The following LOC101059915 variants were observed in gnomAD, a reference collection of about 807,000 sequenced individuals.
At chrX:71,667,779 CTGG>C in the LOC101059915 span, 1 of 1,039,787 alleles carries the variant, frequency 9.6e-7, no homozygotes, top group Non-Finnish European at 1.2e-6. Flanking sequence ...TCCCCACAGC[CTGG>C]CTGTCTAGAC....
the LOC101059915 span, chrX:71,669,846 A>G: frequency 6.2e-6 from 4 of 647,142 alleles, no homozygotes; most frequent in Admixed American, 1.0e-4. Context: ...CCCACAGGAA[A>G]TGGGGTGTCG....
At chrX:71,671,166 T>G in the LOC101059915 span, 1 of 1,164,283 alleles carries the variant, frequency 8.6e-7, no homozygotes, top group Non-Finnish European at 1.1e-6. Flanking sequence ...GGTTTCTGTT[T>G]CCCTGGGTCT....
At chrX:71,668,743 C>T in the LOC101059915 span, 3 of 1,070,661 alleles carry the variant, frequency 2.8e-6, no homozygotes, top group Non-Finnish European at 2.4e-6. Context: ...AGGGCCCCTA[C>T]CCCGGGGCAC....
the LOC101059915 span, chrX:71,670,182 G>A: frequency 8.9e-7 from 1 of 1,124,051 alleles, no homozygotes; most frequent in Non-Finnish European, 1.2e-6. Context: ...GGGTGATGGT[G>A]CCTCACTTTA....
the LOC101059915 span, chrX:71,669,496 C>T: frequency 8.8e-5 from 80 of 909,431 alleles, no homozygotes; most frequent in Admixed American, 8.2e-4. Flanking sequence ...TAACACAACC[C>T]CTCCCCATGT....
chrX:71,668,118 G>T, the LOC101059915 span: 7 of 1,136,493 alleles, frequency 6.2e-6, no homozygotes, highest in African/African-American at 1.3e-4. Context: ...CTTTCTACCT[G>T]GCTGATGAGC....
At chrX:71,670,757 C>G in the LOC101059915 span, 3 of 1,080,777 alleles carry the variant, frequency 2.8e-6, no homozygotes, top group South Asian at 5.1e-5. Flanking sequence ...GTCACTGGGA[C>G]TGACTTCCTC....
At chrX:71,667,819 G>A in the LOC101059915 span, 9 of 1,070,997 alleles carry the variant, frequency 8.4e-6, no homozygotes, top group Non-Finnish European at 9.6e-6. Flanking sequence ...CTCCACGGAT[G>A]AAGTGTCCGT....
At chrX:71,669,422 C>A in the LOC101059915 span, 1 of 528,205 alleles carries the variant, frequency 1.9e-6, no homozygotes, top group Admixed American at 5.6e-5. Flanking sequence ...GTTAAGCAAG[C>A]CCTCCTGTCT....
the LOC101059915 span, chrX:71,668,177 A>C: frequency 1.8e-6 from 2 of 1,128,107 alleles, no homozygotes; most frequent in South Asian, 4.4e-5. Context: ...CCGTCCCCAG[A>C]AGGCGCCACT....
the LOC101059915 span, chrX:71,667,721 C>A: frequency 1.1e-6 from 1 of 940,368 alleles, no homozygotes; most frequent in Non-Finnish European, 1.3e-6. Context: ...CTCGGCTGGG[C>A]TTGGCTGGGC....
chrX:71,668,568 C>T, the LOC101059915 span: 1 of 1,116,808 alleles, frequency 9.0e-7, no homozygotes, highest in South Asian at 2.3e-5. Flanking sequence ...GGGAGAGTTA[C>T]CTTCAGGTTC....
chrX:71,669,235 C>T, the LOC101059915 span, among the ~76,000 whole-genome samples: 4 of 111,774 alleles, frequency 3.6e-5, no homozygotes, highest in Non-Finnish European at 5.7e-5. Context: ...CTTAGGAGCA[C>T]ACATTAAAGG....
At chrX:71,669,070 TCTC>T in the LOC101059915 span, 3,870 of 1,130,733 alleles carry the variant, frequency 3.4e-3, 28 homozygotes, top group South Asian at 0.027. Context: ...CACTCCTCCT[TCTC>T]CTCCTTGCTC....
the LOC101059915 span, among the ~76,000 whole-genome samples, chrX:71,669,209 C>T: frequency 1.3e-4 from 15 of 111,895 alleles, no homozygotes; most frequent in East Asian, 3.9e-3. Context: ...CTAGGATGCC[C>T]GATTGGGGTC....
chrX:71,671,486 A>G, the LOC101059915 span: 1 of 354,049 alleles, frequency 2.8e-6, no homozygotes, highest in East Asian at 4.8e-5. Flanking sequence ...CCCCTTCCCA[A>G]CACAGTTCAA....
At chrX:71,668,227 G>T in the LOC101059915 span, 2 of 1,116,656 alleles carry the variant, frequency 1.8e-6, no homozygotes, top group Non-Finnish European at 2.3e-6. Flanking sequence ...CCTGGAGGTC[G>T]GTCCCAGTTG....
the LOC101059915 span, chrX:71,670,871 G>A: frequency 1.3e-6 from 1 of 752,454 alleles, no homozygotes; most frequent in African/African-American, 2.3e-5. Flanking sequence ...TGTACACTTT[G>A]TCTACAAGTC....
the LOC101059915 span, chrX:71,670,133 AG>A: frequency 1.1e-6 from 1 of 878,095 alleles, no homozygotes; most frequent in African/African-American, 2.0e-5. Flanking sequence ...GGAGGGTTGG[AG>A]ATGCTAGGCA....
Sources: gnomAD v4.1 joint callset for allele counts (sites outside exome capture counted in the v4.1 genomes callset) on GRCh38, gnomAD v4.1.1 for gene constraint, MANE v1.5 for transcripts.